Variants in PCDHGA7 observed in about 807,000 individuals in gnomAD.
The protein encoded by PCDHGA7 is protocadherin gamma-A7.
PCDHGA7 carries 44 observed loss-of-function variants against 58.3 expected under a neutral mutation model. The observed-to-expected ratio is 0.75, with a 90% CI of 0.59 to 0.97. The LOEUF (loss-of-function observed/expected upper bound fraction) is 0.97, where lower values mean the gene tolerates loss of function less well. Ranked by LOEUF, PCDHGA7 falls within the 50% of genes least tolerant of loss-of-function variation. The pLI, the probability that PCDHGA7 is intolerant of heterozygous loss-of-function variation, is 0.00. For synonymous variants in PCDHGA7, 516 were observed against 504.2 expected, an observed-to-expected ratio of 1.02 and a Z score of -0.31; for missense variants, 1,266 against 1,188.7, an observed-to-expected ratio of 1.06 and a Z score of -0.96.
intron 1 of PCDHGA7, chr5:141,395,576 G>A: frequency 4.2e-6 from 1 of 237,360 alleles, no homozygotes; most frequent in Non-Finnish European, 8.1e-6. Flanking sequence ...GTGTGTGTGT[G>A]TGTGTGTGTG....
chr5:141,412,108 G>A (rs897331971), intron 1 of PCDHGA7: 2 of 152,198 alleles, frequency 1.3e-5, no homozygotes, highest in Admixed American at 6.5e-5. Flanking sequence ...CACAGTTGAA[G>A]ATATGTGAAC....
chr5:141,412,343 A>T (rs928223487), intron 1 of PCDHGA7: 2 of 152,166 alleles, frequency 1.3e-5, no homozygotes, highest in African/African-American at 4.8e-5. Context: ...ATATATGTTC[A>T]TTTTAGTTTG....
chr5:141,420,933 T>C (rs1227912236), intron 1 of PCDHGA7: 1 of 375,320 alleles, frequency 2.7e-6, no homozygotes, highest in African/African-American at 2.1e-5. Context: ...GTGAGCGTAA[T>C]CATTTCTTCT....
Position 141,477,919 on chromosome 5 carries a change from G to A in PCDHGA7, c.2425-16888G>A. 2.5e-6 allele frequency: 4 copies of A among 1,614,162 alleles called. No individual in the cohort carries two copies. The highest frequency in any genetic ancestry group is 8.5e-7 in the Non-Finnish European group (1 of 1,180,026). The stretch of plus-strand genomic sequence containing the variant: ...TGGTAGGCTGGGACGCGGATGCAGG[G>A]CACAATGCCTGGCTCTCCTACAGTC... On this transcript the variant is annotated intron_variant, in intron 1 of 3. Transcript: ENST00000518325. The surrounding 1 kb of genome is among the most constrained non-coding windows in gnomAD (Gnocchi z 4.9).
chr5:141,501,439 C>G (rs1245306644), intron 2 of PCDHGA7, among the ~76,000 whole-genome samples: 1 of 151,978 alleles, frequency 6.6e-6, no homozygotes, highest in Non-Finnish European at 1.5e-5. Context: ...TCCATTTCTT[C>G]CATTTTTACT....
intron 1 of PCDHGA7, chr5:141,390,163 C>CG (rs780815400): frequency 1.2e-6 from 2 of 1,613,992 alleles, no homozygotes; most frequent in Admixed American, 1.7e-5. Context: ...ACAGGAAAGA[C>CG]GGAGTTTAAT....
Position 141,414,015 on chromosome 5 carries a change from A to T in PCDHGA7, c.2424+28692A>T. ...ACAGGGACGAAGGTGCCAATGGAGA[A>T]GTGACATATTCATTCCGAAAATTAC... On this transcript the variant is annotated intron_variant, in intron 1 of 3. Coordinates refer to ENST00000518325, the MANE Select transcript of PCDHGA7 (RefSeq NM_018920.4). 6.2e-7 allele frequency: 1 copy of T among 1,613,160 alleles called. No individual in the cohort carries two copies.
At chr5:141,435,391 A>C (rs1328617100) in intron 1 of PCDHGA7, among the ~76,000 whole-genome samples, 5 of 152,202 alleles carry the variant, frequency 3.3e-5, no homozygotes, top group African/African-American at 1.2e-4. Flanking sequence ...CCGTATTGCC[A>C]TGACGAAAAA....
At position 141,413,207 on chromosome 5, in the gene PCDHGA7, C is replaced by T. The variant is rs563279284; in HGVS notation, c.2424+27884C>T. The T allele has an allele frequency of 4.7e-5, 76 of 1,612,874 alleles. 2 individuals carry two copies. The South Asian group carries it at 7.6e-4, about 16-fold the overall frequency. ...GCTCAAAGGAATCGCTCAAAGGAAT[C>T]AAAGGATTGCAGCGGGCTGGTCCTG... On this transcript the variant is annotated intron_variant, in intron 1 of 3. Coordinates refer to ENST00000518325, the MANE Select transcript of PCDHGA7 (RefSeq NM_018920.4).
Position 141,491,048 on chromosome 5 carries a change from C to T in PCDHGA7, c.2425-3759C>T, listed in dbSNP as rs755163825. The T allele has an allele frequency of 7.4e-6, 12 of 1,613,948 alleles. No individual in the cohort carries two copies. Among genetic ancestry groups the T allele is most frequent in the South Asian group, 4.4e-5 (4 of 91,090 alleles). ...GTGGATGCTGATGCAGGCCACAATG[C>T]GTGGCTCTCCTACTCACTGTTGCCA... On this transcript the variant is annotated intron_variant, in intron 1 of 3. Coordinates refer to ENST00000518325, the MANE Select transcript of PCDHGA7 (RefSeq NM_018920.4). The surrounding 1 kb of genome is among the most constrained non-coding windows in gnomAD (Gnocchi z 6.9).
chr5:141,409,561 C>T (rs1296401858), intron 1 of PCDHGA7: 4 of 1,613,986 alleles, frequency 2.5e-6, no homozygotes, highest in Non-Finnish European at 3.4e-6. Context: ...CAGTTTTCGA[C>T]CAGACGTCCT....
chr5:141,385,368 T>TG, intron 1 of PCDHGA7, 45 bp downstream of exon 1: 4 of 1,535,720 alleles, frequency 2.6e-6, no homozygotes, highest in Non-Finnish European at 3.5e-6. Flanking sequence ...TTTATTTGCA[T>TG]GATATTTCTC....
intron 1 of PCDHGA7, among the ~76,000 whole-genome samples, chr5:141,436,531 G>T (rs1365651055): frequency 6.6e-6 from 1 of 152,152 alleles, no homozygotes; most frequent in African/African-American, 2.4e-5. Context: ...CCTTTAGCAA[G>T]TTATTTAATC....
chr5:141,455,961 G>C (rs1447678052), intron 1 of PCDHGA7, among the ~76,000 whole-genome samples: 1 of 150,954 alleles, frequency 6.6e-6, no homozygotes, highest in African/African-American at 2.4e-5. Context: ...GCAGTGGCGC[G>C]ATCTCAGCTC....
chr5:141,408,667 C>T, intron 1 of PCDHGA7: 1 of 1,613,954 alleles, frequency 6.2e-7, no homozygotes, highest in Non-Finnish European at 8.5e-7. Flanking sequence ...TATCGCTTGA[C>T]CCTGCCACGG....
At chr5:141,483,797 G>GCTGCTTTT (rs1255394691) in intron 1 of PCDHGA7, among the ~76,000 whole-genome samples, 3 of 152,174 alleles carry the variant, frequency 2.0e-5, no homozygotes, top group Non-Finnish European at 4.4e-5. Context: ...TCCAGTTGTT[G>GCTGCTTTT]CTGCTTTTTT....
chr5:141,462,198 G>C (rs2099034283), intron 1 of PCDHGA7, among the ~76,000 whole-genome samples: 1 of 152,182 alleles, frequency 6.6e-6, no homozygotes, highest in Non-Finnish European at 1.5e-5. Context: ...GACCTCAGGT[G>C]ATCCGCCTGC....
intron 1 of PCDHGA7, chr5:141,419,137 C>CAGGG: frequency 6.2e-7 from 1 of 1,613,892 alleles, no homozygotes; most frequent in Non-Finnish European, 8.5e-7. Context: ...CAGCCACAGA[C>CAGGG]AGGGGCAAGC....
At chr5:141,498,338 G>A (rs2237079) in intron 2 of PCDHGA7, among the ~76,000 whole-genome samples, 68,665 of 151,630 alleles carry the variant, frequency 0.45, 15,766 homozygotes, top group Admixed American at 0.55. Flanking sequence ...CATTCCAAAT[G>A]GGAAAAGCCT....
Sources: allele counts gnomAD v4.1 joint callset (sites outside exome capture counted in the v4.1 genomes callset), GRCh38; gene constraint gnomAD v4.1.1; non-coding constraint Gnocchi (gnomAD v3.1); transcripts MANE v1.5; gene names NCBI Gene and HGNC (gene_info 2026-07-23, HGNC 2026-07-21).